Variants in MYO9B observed in about 807,000 individuals in gnomAD.
MYO9B encodes the protein unconventional myosin-IXb.
In MYO9B, 71 loss-of-function variants were observed where a neutral mutation model predicts 229.5. That is an observed-to-expected ratio of 0.31 (90% CI 0.26 to 0.38). The LOEUF is 0.38. MYO9B is among the 10% of genes least tolerant of loss of function. The pLI is 1.00. For synonymous variants in MYO9B, 1,185 were observed against 1,235.8 expected, an observed-to-expected ratio of 0.96 and a Z score of 0.86; for missense variants, 2,255 against 2,920.5, an observed-to-expected ratio of 0.77 and a Z score of 5.25.
At chr19:17,139,382 G>A (rs188774048) in intron 2 of MYO9B, among the ~76,000 whole-genome samples, 189 of 152,210 alleles carry the variant, frequency 1.2e-3, no homozygotes, top group African/African-American at 4.2e-3. Flanking sequence ...TCAGGAGGTC[G>A]AGGCCGCAGT....
chr19:17,202,904 TGA>T (rs1310465900), intron 29 of MYO9B, 21 bp downstream of exon 29: 3 of 1,596,098 alleles, frequency 1.9e-6, no homozygotes, highest in African/African-American at 2.7e-5. Flanking sequence ...TGCACATAGA[TGA>T]GAGTCCGAGC....
intron 1 of MYO9B, among the ~76,000 whole-genome samples, chr19:17,096,693 GTTGTTGTTGTTGGT>G (rs2057693345): frequency 1.9e-5 from 2 of 107,966 alleles, no homozygotes; most frequent in African/African-American, 8.6e-5. Flanking sequence ...TGTTGTTGTT[GTTGTTGTTGTTGGT>G]TTTTTTTTTT....
chr19:17,125,717 A>G (rs1470974669), intron 2 of MYO9B, among the ~76,000 whole-genome samples: 3 of 152,018 alleles, frequency 2.0e-5, no homozygotes, highest in Non-Finnish European at 4.4e-5. Flanking sequence ...CGTTGGGAGC[A>G]CTCAGCTCTC....
At chr19:17,117,921 G>A (rs71338611) in intron 2 of MYO9B, among the ~76,000 whole-genome samples, 20,549 of 135,410 alleles carry the variant, frequency 0.15, 1,682 homozygotes, top group Non-Finnish European at 0.2. Context: ...CTGGGTGACA[G>A]AGCGACACTC....
intron 2 of MYO9B, among the ~76,000 whole-genome samples, chr19:17,127,333 A>AT (rs1217605480): frequency 1.1e-3 from 130 of 115,836 alleles, no homozygotes; most frequent in Middle Eastern, 6.4e-3. Context: ...TCCCCTAAGC[A>AT]TTTTTTTTTT....
At position 17,195,547 on chromosome 19, in the gene MYO9B, C is replaced by A; in HGVS notation, c.4046+74C>A. 1 of 1,508,004 alleles carries A rather than the reference C, an allele frequency of 6.6e-7. No individual in the cohort carries two copies. The allele number at this position is 1,508,004 out of a possible 1,614,324, so 93.4% of individuals were successfully genotyped here. A position where few individuals can be genotyped will look rare whatever the true frequency, so the allele number is the denominator to read the frequency against. ...GGGCAAGGCCAGGGGCAGTGCCACA[C>A]ATCCTGGAAACACATGTGTAATCAT... On this transcript the variant is annotated intron_variant, in intron 22 of 39. Coordinates refer to ENST00000682292, the MANE Select transcript of MYO9B (RefSeq NM_004145.4). The surrounding 1 kb of genome is among the most constrained non-coding windows in gnomAD (Gnocchi z 4.5).
At chr19:17,092,824 A>G (rs776041386) in intron 1 of MYO9B, among the ~76,000 whole-genome samples, 6 of 141,056 alleles carry the variant, frequency 4.3e-5, no homozygotes, top group Non-Finnish European at 6.1e-5. Flanking sequence ...GCATATGACT[A>G]TGTGTACAAG....
At chr19:17,114,878 A>G (rs970376638) in intron 2 of MYO9B, among the ~76,000 whole-genome samples, 1 of 150,438 alleles carries the variant, frequency 6.6e-6, no homozygotes, top group African/African-American at 2.5e-5. Flanking sequence ...TGGCAGAACC[A>G]TGACACGTTT....
intron 24 of MYO9B, among the ~76,000 whole-genome samples, chr19:17,199,361 T>G (rs2073081009): frequency 6.6e-6 from 1 of 152,166 alleles, no homozygotes; most frequent in African/African-American, 2.4e-5. Flanking sequence ...CACTCCAGAC[T>G]GAGTCACACC....
intron 2 of MYO9B, among the ~76,000 whole-genome samples, chr19:17,139,078 G>C (rs1270209702): frequency 4.6e-5 from 7 of 152,180 alleles, no homozygotes; most frequent in Admixed American, 3.9e-4. Context: ...TCTGGAGGCT[G>C]AGGCAGGAGG....
At position 17,101,206 on chromosome 19, in the gene MYO9B, T is replaced by G. The variant is rs537066003; in HGVS notation, c.-58-454T>G. Among the ~76,000 whole-genome samples the G allele has an allele frequency of 4.6e-5, 7 of 151,588 alleles. No individual in the cohort carries two copies. Among genetic ancestry groups the G allele is most frequent in the Non-Finnish European group, 1.0e-4 (7 of 67,858 alleles). On this transcript the variant is annotated intron_variant, in intron 1 of 39. Transcript: ENST00000682292. The surrounding 1 kb of genome is among the most constrained non-coding windows in gnomAD (Gnocchi z 4.7). The stretch of plus-strand genomic sequence containing the variant: ...GTATTTTTTTTTAAGTGACAGGGTC[T>G]CTCTCTCTCACCCAGGCTGGAGCAC...
chr19:17,110,508 C>G (rs1245389374), intron 2 of MYO9B, among the ~76,000 whole-genome samples: 1 of 152,230 alleles, frequency 6.6e-6, no homozygotes, highest in Non-Finnish European at 1.5e-5. Context: ...ACCAGGCACT[C>G]GCCTCGGTGC....
chr19:17,154,433 CGGGGCCTGTCCCCCAGAGCCTACAG>C lies in MYO9B; in HGVS notation c.1199+24_1199+48del. On this transcript the variant is annotated intron_variant, in intron 6 of 39. Coordinates refer to ENST00000682292, the MANE Select transcript of MYO9B (RefSeq NM_004145.4). ...AAGAAGCAGTAAGTGTGCGGGCTCC[CGGGGCCTGTCCCCCAGAGCCTACAG>C]GGGGCACGCATGGCCCTTACCAGTC... 1 of 1,593,398 alleles carries C rather than the reference CGGGGCCTGTCCCCCAGAGCCTACAG, an allele frequency of 6.3e-7. No homozygotes were observed. The highest frequency in any genetic ancestry group is 1.1e-5 in the South Asian group (1 of 90,370).
chr19:17,117,483 G>C (rs1052396358), intron 2 of MYO9B, among the ~76,000 whole-genome samples: 1 of 152,166 alleles, frequency 6.6e-6, no homozygotes, highest in African/African-American at 2.4e-5. Context: ...ACCCCGACAC[G>C]TGGTTCCTCC....
chr19:17,080,209 GC>G (rs2057522275), intron 1 of MYO9B, among the ~76,000 whole-genome samples: 1 of 152,216 alleles, frequency 6.6e-6, no homozygotes, highest in African/African-American at 2.4e-5. Context: ...AAGAGAAGGA[GC>G]CCCGCTAGGG....
chr19:17,171,670 G>A (rs576882092), intron 11 of MYO9B, among the ~76,000 whole-genome samples: 1 of 152,310 alleles, frequency 6.6e-6, no homozygotes, highest in Admixed American at 6.5e-5. Flanking sequence ...CTGCAGCCCT[G>A]GCTGGGCGCG....
chr19:17,212,117 T>C lies in MYO9B; in HGVS notation c.6281T>C (p.Val2094Ala). 1 of 1,590,550 alleles carries C rather than the reference T, an allele frequency of 6.3e-7. No homozygotes were observed. The highest frequency in any genetic ancestry group is 8.5e-7 in the Non-Finnish European group (1 of 1,169,964). ...APGAREAAAP[V>A]RRREPPARRP... ...GGTGCCCGGGAGGCGGCTGCCCCAGTGCGGCGCCGGGAGCCACCTGCCCGC... is the reference window on the plus strand; with the variant it reads ...GGTGCCCGGGAGGCGGCTGCCCCAGCGCGGCGCCGGGAGCCACCTGCCCGC... Residue 2094 changes from valine (V) to alanine (A), a missense_variant, in exon 40 of 40, where the codon GTG (valine) becomes GCG (alanine). Physicochemically the swap from Val to Ala is moderately conservative, Grantham distance 64. Around this residue, in one of 7 missense-constraint regions of MYO9B, gnomAD observed 331 missense variants for 332.5 expected, o/e 1.00. Transcript: ENST00000682292. This position sits in a 1 kb window ranked among gnomAD's most constrained non-coding sequence, Gnocchi z 5.4.
Position 17,206,076 on chromosome 19 carries a change from C to T in MYO9B, c.5181C>T (p.Gly1727=), listed in dbSNP as rs1474758359. ...EKLLEHVEMH[G]LYTEGLYRKS... ...TCCTGGAACACGTGGAGATGCACGG[C>T]CTGTACACCGAGGGCCTCTACCGCA... The change falls in exon 32 of 40, where the codon GGC becomes GGT. Residue 1727 remains glycine, a synonymous_variant. Transcript: ENST00000682292. The T allele has an allele frequency of 3.1e-6, 5 of 1,609,656 alleles. No homozygotes were observed. In the Admixed American group the frequency reaches 5.0e-5, roughly 16 times the overall value.
At chr19:17,176,954 A>T (rs539832197) in intron 14 of MYO9B, among the ~76,000 whole-genome samples, 35 of 152,316 alleles carry the variant, frequency 2.3e-4, no homozygotes, top group African/African-American at 7.9e-4. Context: ...TAATCCCAGC[A>T]CTTTGGGAGA....
Sources: gnomAD v4.1 joint callset for allele counts (sites outside exome capture counted in the v4.1 genomes callset) on GRCh38, gnomAD v4.1.1 for gene constraint, gnomAD v4.1.1 regional missense constraint, Gnocchi (gnomAD v3.1) non-coding constraint, MANE v1.5 for transcripts, NCBI Gene and HGNC (gene_info 2026-07-23, HGNC 2026-07-21) for gene names.